The following LHFPL6 variants were observed in gnomAD, a reference collection of about 807,000 sequenced individuals.
LHFPL6 encodes LHFPL tetraspan subfamily member 6 protein.
A neutral mutation model predicts 20.6 loss-of-function variants in LHFPL6; 9 were observed. That is an observed-to-expected ratio of 0.44 (90% CI 0.26 to 0.76). The LOEUF (loss-of-function observed/expected upper bound fraction) is 0.76, where lower values mean the gene tolerates loss of function less well. LHFPL6 is among the 30% of genes least tolerant of loss of function. LHFPL6 has a pLI of 0.20. For synonymous variants in LHFPL6, 105 were observed against 98.7 expected (o/e 1.06, Z -0.38); for missense variants, 218 against 253.5 (o/e 0.86, Z 0.95).
intron 2 of LHFPL6, among the ~76,000 whole-genome samples, chr13:39,512,901 T>C (rs1224658706): frequency 6.6e-6 from 1 of 152,240 alleles, no homozygotes. Flanking sequence ...ATGGCAGGCT[T>C]GAAAGACGTG....
intron 2 of LHFPL6, among the ~76,000 whole-genome samples, chr13:39,599,511 A>G (rs1872865836): frequency 6.6e-6 from 1 of 152,250 alleles, no homozygotes; most frequent in African/African-American, 2.4e-5. Flanking sequence ...TTGAAGCTGT[A>G]AAGAGATGAC....
At chr13:39,455,545 TA>T (rs1872549695) in intron 2 of LHFPL6, among the ~76,000 whole-genome samples, 1 of 152,218 alleles carries the variant, frequency 6.6e-6, no homozygotes, top group Admixed American at 6.5e-5. Context: ...AGAGTTTCAT[TA>T]GTTCTAGAGA....
intron 2 of LHFPL6, among the ~76,000 whole-genome samples, chr13:39,558,476 C>A (rs1040479059): frequency 6.6e-6 from 1 of 152,134 alleles, no homozygotes; most frequent in African/African-American, 2.4e-5. Flanking sequence ...CTGTATAATG[C>A]GCTTCTTTAT....
intron 2 of LHFPL6, among the ~76,000 whole-genome samples, chr13:39,474,851 G>A (rs1399458531): frequency 3.3e-5 from 5 of 152,084 alleles, no homozygotes; most frequent in African/African-American, 1.2e-4. Context: ...GGGGAGGAGA[G>A]AGGAGAGACC....
chr13:39,473,752 A>T (rs1873009257), intron 2 of LHFPL6, among the ~76,000 whole-genome samples: 1 of 152,186 alleles, frequency 6.6e-6, no homozygotes, highest in Non-Finnish European at 1.5e-5. Flanking sequence ...CACAGAGACA[A>T]ATTTATAATT....
At chr13:39,465,829 G>T (rs1593323585) in intron 2 of LHFPL6, among the ~76,000 whole-genome samples, 1 of 152,104 alleles carries the variant, frequency 6.6e-6, no homozygotes, top group Non-Finnish European at 1.5e-5. Flanking sequence ...TGCATGGTGA[G>T]AGAGAGTTCC....
chr13:39,352,979 A>ATGTG, intron 3 of LHFPL6, among the ~76,000 whole-genome samples: 1 of 132,058 alleles, frequency 7.6e-6, no homozygotes, highest in Non-Finnish European at 1.6e-5. Context: ...ACACATATAT[A>ATGTG]TATATATATA....
At chr13:39,540,756 C>T (rs1347808823) in intron 2 of LHFPL6, among the ~76,000 whole-genome samples, 4 of 152,170 alleles carry the variant, frequency 2.6e-5, no homozygotes, top group Non-Finnish European at 5.9e-5. Flanking sequence ...TAGAAACACA[C>T]TCCTTTCAAA....
At chr13:39,422,144 C>T (rs1357050175) in intron 2 of LHFPL6, among the ~76,000 whole-genome samples, 2 of 152,170 alleles carry the variant, frequency 1.3e-5, no homozygotes, top group Non-Finnish European at 2.9e-5. Context: ...TTGTTAATCA[C>T]AGGTCAATAA....
chr13:39,416,353 C>A (rs1871347925), intron 2 of LHFPL6, among the ~76,000 whole-genome samples: 2 of 124,822 alleles, frequency 1.6e-5, no homozygotes, highest in Admixed American at 8.8e-5. Flanking sequence ...AATGAATGAA[C>A]CTTAATATGT....
In LHFPL6 at chr13:39,379,890, A is replaced by G. The variant is rs2138360994; in HGVS notation, c.386-1364T>C. Reference sequence around the variant, plus strand: ...TCTACTTGTGGGAGTGCTAGAAAGAATGATTGAAACTATGAATCACTAGTC... The same window carrying G: ...TCTACTTGTGGGAGTGCTAGAAAGAGTGATTGAAACTATGAATCACTAGTC... On this transcript the variant is annotated intron_variant, in intron 2 of 3. Transcript: ENST00000379589. 1.3e-5 allele frequency among the ~76,000 whole-genome samples: 2 copies of G among 152,364 alleles called. 1 individual carries two copies. Among genetic ancestry groups the G allele is most frequent in the South Asian group, 4.1e-4 (2 of 4,834 alleles).
At chr13:39,391,502 A>T (rs565388946) in intron 2 of LHFPL6, among the ~76,000 whole-genome samples, 2 of 152,308 alleles carry the variant, frequency 1.3e-5, no homozygotes, top group East Asian at 3.9e-4. Flanking sequence ...GTATGTGTGT[A>T]TAAAACATAC....
At chr13:39,530,542 CT>C (rs1870434182) in intron 2 of LHFPL6, among the ~76,000 whole-genome samples, 1 of 152,054 alleles carries the variant, frequency 6.6e-6, no homozygotes, top group Admixed American at 6.6e-5. Flanking sequence ...GGGCACCAGC[CT>C]CTTTATATTC....
At chr13:39,365,102 T>C (rs547819717) in intron 3 of LHFPL6, among the ~76,000 whole-genome samples, 1 of 152,148 alleles carries the variant, frequency 6.6e-6, no homozygotes, top group African/African-American at 2.4e-5. Context: ...TAGCTGCTAT[T>C]TATAAAGGCT....
At chr13:39,358,327 A>G (rs1013083794) in intron 3 of LHFPL6, among the ~76,000 whole-genome samples, 4 of 152,234 alleles carry the variant, frequency 2.6e-5, no homozygotes, top group Admixed American at 2.0e-4. Flanking sequence ...TGGTGCTCGT[A>G]TAACTGGCTA....
intron 2 of LHFPL6, among the ~76,000 whole-genome samples, chr13:39,524,260 T>G (rs1870214164): frequency 6.6e-6 from 1 of 151,888 alleles, no homozygotes; most frequent in Non-Finnish European, 1.5e-5. Context: ...TTACACTCAG[T>G]GTAAGCATGG....
chr13:39,599,239 G>A (rs1872856919), intron 2 of LHFPL6, among the ~76,000 whole-genome samples: 2 of 152,288 alleles, frequency 1.3e-5, no homozygotes, highest in South Asian at 4.1e-4. Flanking sequence ...ACCATAAGAG[G>A]AGAAAATGAA....
chr13:39,586,532 G>C (rs1872453816), intron 2 of LHFPL6, among the ~76,000 whole-genome samples: 1 of 151,650 alleles, frequency 6.6e-6, no homozygotes, highest in Admixed American at 6.6e-5. Flanking sequence ...TGAGGAACTA[G>C]AAAGAAAAAA....
chr13:39,385,199 T>C (rs1345275845), intron 2 of LHFPL6, among the ~76,000 whole-genome samples: 1 of 152,228 alleles, frequency 6.6e-6, no homozygotes, highest in Non-Finnish European at 1.5e-5. Context: ...TGTAGAGAGA[T>C]GCTGCCTCCT....
Sources: allele counts gnomAD v4.1 joint callset (sites outside exome capture counted in the v4.1 genomes callset), GRCh38; gene constraint gnomAD v4.1.1; transcripts MANE v1.5; gene names NCBI Gene and HGNC (gene_info 2026-07-23, HGNC 2026-07-21).